AGMO: variants seen among roughly 807,000 people sequenced by gnomAD.
AGMO encodes glyceryl-ether monooxygenase.
AGMO carries 75 observed loss-of-function variants against 60.2 expected under a neutral mutation model. The observed-to-expected ratio is 1.25, with a 90% CI of 1.03 to 1.51. AGMO has a LOEUF of 1.51. Ranked by LOEUF, AGMO falls within the 40% of genes most tolerant of loss-of-function variation. The pLI, the probability that AGMO is intolerant of heterozygous loss-of-function variation, is 0.00. For missense variants in AGMO, 763 were observed against 525.5 expected (o/e 1.45, Z -4.42); for synonymous variants, 261 against 177.1 (o/e 1.47, Z -3.76).
At chr7:15,322,495 TAA>T (rs1781148216) in intron 12 of AGMO, among the ~76,000 whole-genome samples, 6 of 86,064 alleles carry the variant, frequency 7.0e-5, no homozygotes, top group Middle Eastern at 6.6e-3. Context: ...TAAATATATA[TAA>T]ATATATAAAT....
intron 12 of AGMO, among the ~76,000 whole-genome samples, chr7:15,219,122 C>T (rs527524811): frequency 1.3e-5 from 2 of 152,138 alleles, no homozygotes; most frequent in Non-Finnish European, 2.9e-5. Context: ...TGTTCATTAG[C>T]ATAAAGGTGA....
intron 3 of AGMO, among the ~76,000 whole-genome samples, chr7:15,440,901 C>G (rs946215443): frequency 3.9e-5 from 6 of 152,172 alleles, no homozygotes; most frequent in Non-Finnish European, 8.8e-5. Flanking sequence ...TCTCTTAGCT[C>G]CATCATTCCC....
Position 15,368,280 on chromosome 7 carries a change from CA to C in AGMO, c.1075-2059del, listed in dbSNP as rs34220868. ...GATGTCCACTTAGGAAGAATGAGAC[CA>C]AAAAAAAAAAAAAACCAGAAAAATA... On this transcript the variant is annotated intron_variant, in intron 10 of 12. Transcript: ENST00000342526. Among the ~76,000 whole-genome samples the C allele has an allele frequency of 5.3e-3, 660 of 123,368 alleles. 3 individuals carry two copies. Among genetic ancestry groups the C allele is most frequent in the Middle Eastern group, 9.4e-3 (2 of 212 alleles). The allele number at this position is 123,368 out of a possible 152,430, so 80.9% of individuals were successfully genotyped here.
intron 9 of AGMO, among the ~76,000 whole-genome samples, chr7:15,386,814 A>C (rs1783933308): frequency 6.6e-6 from 1 of 152,206 alleles, no homozygotes; most frequent in African/African-American, 2.4e-5. Context: ...TTTCTTCCCC[A>C]GAAGAGTAAT....
chr7:15,259,418 T>C (rs1467951094), intron 12 of AGMO, among the ~76,000 whole-genome samples: 1 of 152,006 alleles, frequency 6.6e-6, no homozygotes, highest in East Asian at 1.9e-4. Context: ...ATGTTAAACA[T>C]ACAAACCTAA....
chr7:15,480,275 G>T (rs1562528352), intron 3 of AGMO, among the ~76,000 whole-genome samples: 1 of 152,210 alleles, frequency 6.6e-6, no homozygotes, highest in Admixed American at 6.5e-5. Flanking sequence ...GGGTTTATCA[G>T]TAGAGATAAG....
chr7:15,336,092 C>T (rs1225467918), intron 12 of AGMO, among the ~76,000 whole-genome samples: 2 of 152,130 alleles, frequency 1.3e-5, no homozygotes, highest in Non-Finnish European at 2.9e-5. Flanking sequence ...AATTCAACTA[C>T]TACTATTCCT....
chr7:15,122,396 T>C, the AGMO span, among the ~76,000 whole-genome samples: 3 of 152,180 alleles, frequency 2.0e-5, no homozygotes, highest in Admixed American at 6.6e-5. Context: ...TCAGATTTCA[T>C]GGCTTTAAAT....
chr7:15,319,476 A>C (rs1781040065), intron 12 of AGMO, among the ~76,000 whole-genome samples: 1 of 152,140 alleles, frequency 6.6e-6, no homozygotes, highest in African/African-American at 2.4e-5. Context: ...ATAAATAAAC[A>C]AAGCTTTGCA....
chr7:15,319,582 G>C (rs1423514921), intron 12 of AGMO, among the ~76,000 whole-genome samples: 1 of 152,126 alleles, frequency 6.6e-6, no homozygotes, highest in African/African-American at 2.4e-5. Context: ...TTTGGCAATG[G>C]TAATTTACAA....
intron 3 of AGMO, among the ~76,000 whole-genome samples, chr7:15,480,644 G>A (rs1330124220): frequency 6.6e-6 from 1 of 152,092 alleles, no homozygotes; most frequent in African/African-American, 2.4e-5. Context: ...TTGCTTTAAA[G>A]TGTTAAACAC....
chr7:15,328,097 CTTCTT>C (rs1475397229), intron 12 of AGMO, among the ~76,000 whole-genome samples: 2 of 151,192 alleles, frequency 1.3e-5, no homozygotes, highest in African/African-American at 4.9e-5. Context: ...TCCTTCCTTC[CTTCTT>C]TTCTTTTTTA....
intron 3 of AGMO, among the ~76,000 whole-genome samples, chr7:15,517,409 C>T (rs1421672178): frequency 6.6e-6 from 1 of 151,368 alleles, no homozygotes; most frequent in Non-Finnish European, 1.5e-5. Flanking sequence ...TGGTCTGCAG[C>T]TCCCAGCGAG....
At chr7:15,462,254 G>T (rs561186180) in intron 3 of AGMO, among the ~76,000 whole-genome samples, 1 of 152,236 alleles carries the variant, frequency 6.6e-6, no homozygotes, top group South Asian at 2.1e-4. Flanking sequence ...AGAACTGTCA[G>T]TTGAGAGTGA....
chr7:15,174,181 T>C, the AGMO span, among the ~76,000 whole-genome samples: 2 of 152,014 alleles, frequency 1.3e-5, no homozygotes, highest in African/African-American at 4.8e-5. Context: ...CCCCCAAATA[T>C]ATAGATATGC....
chr7:15,499,176 G>A (rs1073018), intron 3 of AGMO, among the ~76,000 whole-genome samples: 83,901 of 151,580 alleles, frequency 0.55, 25,541 homozygotes, highest in East Asian at 0.96. Context: ...TGTCTTTTCC[G>A]TCTAGAAGTA....
rs966319264 is a variant in AGMO at position 15,375,134 on chromosome 7, CAA to C, written c.1075-8914_1075-8913del. 5.9e-5 allele frequency among the ~76,000 whole-genome samples: 9 copies of C among 151,992 alleles called. No homozygotes were observed. The East Asian group carries it at 7.7e-4, about 13-fold the overall frequency. On this transcript the variant is annotated intron_variant, in intron 10 of 12. Coordinates refer to ENST00000342526, the MANE Select transcript of AGMO (RefSeq NM_001004320.2). ...AAAAGAAAGATCCTACAACAGTTGC[CAA>C]AAGAGTCTGTTGTTAACATATTATC... is the stretch of plus-strand genomic sequence containing the variant.
chr7:15,540,682 C>T (rs541600825), intron 3 of AGMO, among the ~76,000 whole-genome samples: 83 of 152,232 alleles, frequency 5.5e-4, no homozygotes, highest in Non-Finnish European at 7.2e-4. Context: ...GACACTGATA[C>T]AGTTAAAAAC....
intron 5 of AGMO, among the ~76,000 whole-genome samples, chr7:15,408,674 G>A (rs1050399602): frequency 6.6e-6 from 1 of 151,858 alleles, no homozygotes; most frequent in Non-Finnish European, 1.5e-5. Context: ...TTCAGAGGAG[G>A]AAAGGAGAGA....
Sources: allele counts gnomAD v4.1 joint callset (sites outside exome capture counted in the v4.1 genomes callset), GRCh38; gene constraint gnomAD v4.1.1; transcripts MANE v1.5; gene names NCBI Gene and HGNC (gene_info 2026-07-23, HGNC 2026-07-21).